TEC: variants seen among roughly 807,000 people sequenced by gnomAD.
The protein encoded by TEC is tec protein tyrosine kinase, also known as tyrosine-protein kinase Tec.
In TEC, 72 loss-of-function variants were observed where a neutral mutation model predicts 93.0. The observed-to-expected ratio is 0.77, with a 90% CI of 0.64 to 0.94. TEC has a LOEUF of 0.94. Ranked by LOEUF, TEC falls within the 40% of genes least tolerant of loss-of-function variation. TEC has a pLI of 0.00. For missense variants in TEC, 630 were observed against 757.9 expected, an observed-to-expected ratio of 0.83 and a Z score of 1.98; for synonymous variants, 249 against 247.7, an observed-to-expected ratio of 1.01 and a Z score of -0.05.
At chr4:48,200,917 C>A (rs1319427053) in intron 2 of TEC, among the ~76,000 whole-genome samples, 1 of 152,216 alleles carries the variant, frequency 6.6e-6, no homozygotes, top group Non-Finnish European at 1.5e-5. Context: ...AGCCCACTTC[C>A]AGTTTTTGGT....
intron 1 of TEC, among the ~76,000 whole-genome samples, chr4:48,267,616 A>G (rs1340096306): frequency 6.6e-6 from 1 of 152,190 alleles, no homozygotes; most frequent in Non-Finnish European, 1.5e-5. Context: ...CTGGCCCCCA[A>G]GACTGTTGAT....
chr4:48,228,706 A>G, intron 1 of TEC, 47 bp from the exon 2 acceptor site: 1 of 1,478,634 alleles, frequency 6.8e-7, no homozygotes, highest in Middle Eastern at 1.8e-4. Flanking sequence ...TTAATTTTCT[A>G]TGGATGTTGC....
intron 2 of TEC, among the ~76,000 whole-genome samples, chr4:48,179,340 A>ATG (rs1207952644): frequency 1.8e-4 from 4 of 22,748 alleles, no homozygotes; most frequent in African/African-American, 8.1e-4. Context: ...CGTGGGTAGT[A>ATG]TATATATATA....
At chr4:48,184,549 C>A (rs1276090511) in intron 2 of TEC, among the ~76,000 whole-genome samples, 1 of 152,178 alleles carries the variant, frequency 6.6e-6, no homozygotes, top group Non-Finnish European at 1.5e-5. Flanking sequence ...GACACCCTCT[C>A]CCACCTCTTT....
intron 1 of TEC, among the ~76,000 whole-genome samples, chr4:48,252,362 TCTCACTGAGTCTGTTG>T (rs1216958211): frequency 3.9e-5 from 6 of 152,262 alleles, no homozygotes; most frequent in African/African-American, 1.4e-4. Context: ...GGCCATAGTA[TCTCACTGAGTCTGTTG>T]AGTCTGCTTA....
chr4:48,212,003 T>C (rs545126239), intron 2 of TEC, among the ~76,000 whole-genome samples: 1 of 149,504 alleles, frequency 6.7e-6, no homozygotes, highest in South Asian at 2.1e-4. Context: ...GGAGGTTGAG[T>C]CATGAGAATC....
rs1359840848 is a variant in TEC, at chr4:48,135,856, G to A, written c.*1560C>T. The A allele has an allele frequency of 6.6e-6, 1 of 152,230 alleles. No homozygotes were observed. The highest frequency in any genetic ancestry group is 2.4e-5 in the African/African-American group (1 of 41,448). The allele number at this position is 152,230 out of a possible 1,614,324, so 9.4% of individuals were successfully genotyped here. ...GAAAAGAATAAACACAGCCTTCAGT[G>A]GATGGACTGCCTGGTGCACAGACTC... is the stretch of plus-strand genomic sequence containing the variant. On this transcript the variant is annotated 3_prime_UTR_variant, in exon 18 of 18. Coordinates refer to ENST00000381501, the MANE Select transcript of TEC (RefSeq NM_003215.3).
At chr4:48,253,553 AATGTAATC>A (rs1156346824) in intron 1 of TEC, among the ~76,000 whole-genome samples, 1 of 150,554 alleles carries the variant, frequency 6.6e-6, no homozygotes, top group Non-Finnish European at 1.5e-5. Context: ...ATCCTAAATA[AATGTAATC>A]ATGTCCAATT....
intron 2 of TEC, among the ~76,000 whole-genome samples, chr4:48,223,967 T>C (rs1723350261): frequency 1.3e-5 from 2 of 152,212 alleles, no homozygotes. Context: ...ATTATGCACA[T>C]CCTCTGGGAC....
At chr4:48,264,564 G>A (rs1724583705) in intron 1 of TEC, among the ~76,000 whole-genome samples, 1 of 151,926 alleles carries the variant, frequency 6.6e-6, no homozygotes, top group Non-Finnish European at 1.5e-5. Context: ...GACCACAGAG[G>A]TTCCCCAAAT....
chr4:48,231,813 G>C (rs574035160), intron 1 of TEC, among the ~76,000 whole-genome samples: 1 of 152,004 alleles, frequency 6.6e-6, no homozygotes, highest in African/African-American at 2.4e-5. Context: ...TCTCATAAAC[G>C]GGCCATGTGT....
chr4:48,188,175 A>T (rs1351217942), intron 2 of TEC, among the ~76,000 whole-genome samples: 2 of 152,204 alleles, frequency 1.3e-5, no homozygotes, highest in Non-Finnish European at 2.9e-5. Flanking sequence ...CTGAAAAACA[A>T]TGAAGCCATT....
chr4:48,149,804 T>C, intron 10 of TEC, 114 bp from the exon 11 acceptor site: 1 of 1,036,662 alleles, frequency 9.6e-7, no homozygotes. Flanking sequence ...CATCTATTCC[T>C]GGCACAAATT....
intron 1 of TEC, among the ~76,000 whole-genome samples, chr4:48,234,620 A>G (rs1237697690): frequency 6.6e-6 from 1 of 152,258 alleles, no homozygotes; most frequent in East Asian, 1.9e-4. Context: ...ATTGTTTAGA[A>G]AAGGAAAAAT....
At chr4:48,226,729 T>C (rs1723479149) in intron 2 of TEC, among the ~76,000 whole-genome samples, 1 of 152,128 alleles carries the variant, frequency 6.6e-6, no homozygotes, top group Non-Finnish European at 1.5e-5. Context: ...TCAAAAGCTA[T>C]ATGCAGATTT....
In TEC at chr4:48,167,771, T is replaced by A. The variant is rs766131743; in HGVS notation, c.671+7A>T. On this transcript the variant is annotated splice_region_variant and intron_variant, in intron 7 of 17. Coordinates refer to ENST00000381501, the MANE Select transcript of TEC (RefSeq NM_003215.3). ...CTGCATATCACACACATAGAGGGAA[T>A]ACTTACCCATATTTATCTCTTGCTC... is the stretch of plus-strand genomic sequence containing the variant. 1 of 1,613,402 alleles carries A rather than the reference T, an allele frequency of 6.2e-7. No individual in the cohort carries two copies. The highest frequency in any genetic ancestry group is 1.1e-5 in the South Asian group (1 of 91,022).
Position 48,167,853 on chromosome 4 carries a change from C to A in TEC, c.596G>T (p.Arg199Ile). Residue 199 changes from arginine to isoleucine, a missense_variant, in exon 7 of 18, where the codon AGA becomes ATA. This residue lies in a region of TEC where 335 missense variants were observed against 351.5 expected (regional missense o/e 0.95). Coordinates refer to ENST00000381501, the MANE Select transcript of TEC (RefSeq NM_003215.3). ...GAGATACTCTTGGCCTCTCTCTAAT[C>A]TGAGATCATGTCCTTCTGCTGCTTG... ...DFQAAEGHDLRLERGQEYLIL... is the reference protein window; with the variant it reads ...DFQAAEGHDLILERGQEYLIL... 5 of 1,613,956 alleles carry A rather than the reference C, an allele frequency of 3.1e-6. No individual in the cohort carries two copies. Among genetic ancestry groups the A allele is most frequent in the Non-Finnish European group, 3.4e-6 (4 of 1,179,920 alleles).
chr4:48,242,460 C>CA (rs1723945405), intron 1 of TEC, among the ~76,000 whole-genome samples: 1 of 152,184 alleles, frequency 6.6e-6, no homozygotes, highest in African/African-American at 2.4e-5. Context: ...TCAAAGGTAA[C>CA]AGAAGCGTCT....
At chr4:48,251,296 C>A (rs1724190702) in intron 1 of TEC, among the ~76,000 whole-genome samples, 3 of 152,130 alleles carry the variant, frequency 2.0e-5, no homozygotes, top group African/African-American at 2.4e-5. Flanking sequence ...GTTCTCTCTA[C>A]CTGGAAGAGT....
Sources: gnomAD v4.1 joint callset for allele counts (sites outside exome capture counted in the v4.1 genomes callset) on GRCh38, gnomAD v4.1.1 for gene constraint, gnomAD v4.1.1 regional missense constraint, MANE v1.5 for transcripts, NCBI Gene and HGNC (gene_info 2026-07-23, HGNC 2026-07-21) for gene names.